KDM5A: variants seen among roughly 807,000 people sequenced by gnomAD.
KDM5A encodes the protein lysine-specific demethylase 5A.
KDM5A carries 42 observed loss-of-function variants against 193.5 expected under a neutral mutation model. That is an observed-to-expected ratio of 0.22 (90% CI 0.17 to 0.28). KDM5A has a LOEUF of 0.28. Ranked by LOEUF, KDM5A falls within the 10% of genes least tolerant of loss-of-function variation. The pLI, the probability that KDM5A is intolerant of heterozygous loss-of-function variation, is 1.00. For synonymous variants in KDM5A, 796 were observed against 718.1 expected (o/e 1.11, Z -1.73); for missense variants, 1,692 against 2,055.1 (o/e 0.82, Z 3.42).
At chr12:373,324 G>A (rs1327651325) in intron 3 of KDM5A, among the ~76,000 whole-genome samples, 2 of 152,030 alleles carry the variant, frequency 1.3e-5, no homozygotes, top group African/African-American at 4.8e-5. Flanking sequence ...GTCTTGGGAG[G>A]GTGTATGTCT....
intron 10 of KDM5A, among the ~76,000 whole-genome samples, chr12:346,084 T>C (rs1319776245): frequency 3.3e-5 from 5 of 152,028 alleles, no homozygotes; most frequent in Admixed American, 6.6e-5. Context: ...ATAAAGGGGA[T>C]ATCACCACCA....
At chr12:311,098 T>G (rs935635394) in intron 20 of KDM5A, 34 bp from the exon 21 acceptor site, 22 of 1,608,504 alleles carry the variant, frequency 1.4e-5, no homozygotes, top group African/African-American at 1.1e-4. Flanking sequence ...ACAATTTGAG[T>G]TCTCTTATGG....
intron 3 of KDM5A, among the ~76,000 whole-genome samples, chr12:369,508 G>A (rs1003515409): frequency 1.1e-4 from 16 of 152,076 alleles, no homozygotes; most frequent in African/African-American, 3.9e-4. Context: ...TATTGTAGAA[G>A]AAATTAAAAA....
intron 20 of KDM5A, among the ~76,000 whole-genome samples, chr12:312,441 A>G (rs192311944): frequency 5.8e-4 from 88 of 152,304 alleles, no homozygotes; most frequent in African/African-American, 2.0e-3. Context: ...TAATTTATGC[A>G]CATGGAAAAA....
At chr12:320,474 C>A (rs1443283392) in intron 18 of KDM5A, among the ~76,000 whole-genome samples, 3 of 152,018 alleles carry the variant, frequency 2.0e-5, no homozygotes, top group Non-Finnish European at 2.9e-5. Flanking sequence ...CCAGCCTGGG[C>A]GACAGAGCGA....
chr12:334,610 T>C (rs566788268), intron 10 of KDM5A, among the ~76,000 whole-genome samples, 188 bp from the exon 11 acceptor site: 1 of 152,328 alleles, frequency 6.6e-6, no homozygotes, highest in East Asian at 1.9e-4. Flanking sequence ...CTTCTGTCTA[T>C]GTTCTATTTA....
chr12:363,897 A>G (rs1401645683), intron 4 of KDM5A, among the ~76,000 whole-genome samples: 9 of 152,236 alleles, frequency 5.9e-5, no homozygotes, highest in South Asian at 4.1e-4. Flanking sequence ...ATTCACAAGT[A>G]TAAGACAAAC....
intron 2 of KDM5A, among the ~76,000 whole-genome samples, chr12:385,181 G>GAA (rs199833232): frequency 1.3e-3 from 119 of 93,748 alleles, no homozygotes; most frequent in African/African-American, 3.9e-3. Context: ...AGACTCTCTG[G>GAA]AAAAAAAAAA....
At chr12:370,779 C>T (rs76278052) in intron 3 of KDM5A, among the ~76,000 whole-genome samples, 2,991 of 152,258 alleles carry the variant, frequency 0.02, 82 homozygotes, top group African/African-American at 0.068. Flanking sequence ...CCCCACCCTA[C>T]GACAGGCCCC....
At chr12:329,901 AAAT>A (rs1943840356) in intron 13 of KDM5A, among the ~76,000 whole-genome samples, 1 of 152,116 alleles carries the variant, frequency 6.6e-6, no homozygotes, top group Non-Finnish European at 1.5e-5. Flanking sequence ...AAAAGAGAAA[AAAT>A]AAGAAAATGG....
intron 26 of KDM5A, among the ~76,000 whole-genome samples, chr12:294,957 G>GT (rs1943350385): frequency 6.6e-6 from 1 of 152,182 alleles, no homozygotes; most frequent in Non-Finnish European, 1.5e-5. Context: ...GAACTGCTAT[G>GT]TAAGTGTGAT....
intron 24 of KDM5A, among the ~76,000 whole-genome samples, chr12:305,977 T>TTTTG (rs1555128070): frequency 4.1e-5 from 6 of 146,778 alleles, no homozygotes; most frequent in Non-Finnish European, 7.5e-5. Flanking sequence ...GTGTTTTTTT[T>TTTTG]TTTTTTTTTT....
intron 22 of KDM5A, among the ~76,000 whole-genome samples, chr12:308,378 G>A (rs549466945): frequency 1.3e-5 from 2 of 152,264 alleles, no homozygotes; most frequent in African/African-American, 4.8e-5. Flanking sequence ...GTATTTTGCT[G>A]TTTTACGGAT....
In KDM5A at chr12:321,097, A is replaced by G. The variant is rs1943710755; in HGVS notation, c.2439T>C (p.Asp813=). Residue 813 remains aspartate (D), a synonymous_variant, in exon 18 of 28, where the codon GAT becomes GAC. Transcript: ENST00000399788. ...SKKQKHRQSP[D]SGRTRTKLTV... ...TCAGTTTGGTCCGAGTCCTCCCACT[A>G]TCTGGGCTCTGTCTGATGTGAAATA... 1 of 1,612,416 alleles carries G rather than the reference A, an allele frequency of 6.2e-7. No homozygotes were observed. The highest frequency in any genetic ancestry group is 8.5e-7 in the Non-Finnish European group (1 of 1,178,388).
At chr12:361,469 C>T (rs1279421258) in intron 5 of KDM5A, among the ~76,000 whole-genome samples, 1 of 152,164 alleles carries the variant, frequency 6.6e-6, no homozygotes, top group Non-Finnish European at 1.5e-5. Flanking sequence ...GCTAGGATTA[C>T]AGGCGTGAGC....
At chr12:350,872 T>C in intron 9 of KDM5A, 93 bp from the exon 10 acceptor site, 1 of 1,128,552 alleles carries the variant, frequency 8.9e-7, no homozygotes, top group Non-Finnish European at 1.3e-6. Flanking sequence ...CACAAACCCA[T>C]GATGAGATTA....
Position 375,800 on chromosome 12 carries a change from T to A in KDM5A, c.366+8231A>T, listed in dbSNP as rs137886752. Among the ~76,000 whole-genome samples the A allele has an allele frequency of 2.8e-3, 428 of 152,346 alleles. 12 individuals are homozygous for A. The East Asian group carries it at 0.065, about 23-fold the overall frequency. ...TGTTTGTTAGTTTTCCTTCTAACAG[T>A]CAGGACCCTCAGCTGCAGGTCTGTT... is the stretch of plus-strand genomic sequence containing the variant. On this transcript the variant is annotated intron_variant, in intron 3 of 27. Transcript: ENST00000399788.
At chr12:339,961 A>G (rs1407565727) in intron 10 of KDM5A, among the ~76,000 whole-genome samples, 1 of 151,246 alleles carries the variant, frequency 6.6e-6, no homozygotes, top group Non-Finnish European at 1.5e-5. Flanking sequence ...TGCAGCTTCA[A>G]CCTCCCCAGG....
chr12:322,953 A>G, intron 16 of KDM5A, 129 bp downstream of exon 16: 1 of 1,217,742 alleles, frequency 8.2e-7, no homozygotes. Flanking sequence ...CAATCAACCC[A>G]TTAATCTCAA....
Sources: gnomAD v4.1 joint callset for allele counts (sites outside exome capture counted in the v4.1 genomes callset) on GRCh38, gnomAD v4.1.1 for gene constraint, MANE v1.5 for transcripts, NCBI Gene and HGNC (gene_info 2026-07-23, HGNC 2026-07-21) for gene names.